Variants in SMC3 observed in about 807,000 individuals in gnomAD.
The protein encoded by SMC3 is structural maintenance of chromosomes protein 3.
Under a neutral mutation model 171.8 loss-of-function variants are expected in SMC3, and 20 were observed. The observed-to-expected ratio is 0.12, with a 90% CI of 0.08 to 0.17. The LOEUF is 0.17. Among genes scored for constraint, SMC3 ranks in the 10% least tolerant of loss-of-function variants. The probability of loss-of-function intolerance (pLI) is 1.00; values close to 1 mark genes in which losing one functional copy is unlikely to be tolerated. For missense variants in SMC3, 543 were observed against 1,420.4 expected (o/e 0.38, Z 9.93); for synonymous variants, 464 against 451.1 (o/e 1.03, Z -0.36).
chr10:110,596,531 C>T lies in SMC3; in HGVS notation c.2097C>T (p.Asn699=). ...AACTTGAAGCAAAGCTCAATGAAAACCTGCGCAGAAATATTGAAAATATCT... is the reference window on the plus strand; with the variant it reads ...AACTTGAAGCAAAGCTCAATGAAAATCTGCGCAGAAATATTGAAAATATCT... ...LGELEAKLNE[N]LRRNIERINN... is the part of the protein sequence containing the mutation. The change falls in exon 19 of 29, where the codon AAC becomes AAT. Residue 699 remains asparagine, a synonymous_variant. Transcript: ENST00000361804. 6 of 1,613,902 alleles carry T rather than the reference C, an allele frequency of 3.7e-6. No individual in the cohort carries two copies. Among genetic ancestry groups the T allele is most frequent in the Non-Finnish European group, 5.1e-6 (6 of 1,179,900 alleles).
At chr10:110,583,998 A>G (rs531747460) in intron 12 of SMC3, 36 bp downstream of exon 12, 4 of 1,610,582 alleles carry the variant, frequency 2.5e-6, no homozygotes, top group East Asian at 2.2e-5. Context: ...AACTTTCTAC[A>G]TCATATTATG....
At position 110,604,987 on chromosome 10, in the gene SMC3, G is replaced by C. The variant is rs1265035686; in HGVS notation, c.*685G>C. Among the ~76,000 whole-genome samples, 1 of 152,038 alleles carries C rather than the reference G, an allele frequency of 6.6e-6. No homozygotes were observed. The highest frequency in any genetic ancestry group is 6.6e-5 in the Admixed American group (1 of 15,262). Reference sequence around the variant, plus strand: ...TCCTCTAGTCTGTGACAATTTCTCTGTCATTGTTTATCATATCTTGACAAT... The same window carrying C: ...TCCTCTAGTCTGTGACAATTTCTCTCTCATTGTTTATCATATCTTGACAAT... On this transcript the variant is annotated 3_prime_UTR_variant, in exon 29 of 29. Coordinates refer to ENST00000361804, the MANE Select transcript of SMC3 (RefSeq NM_005445.4).
At chr10:110,584,982 A>T (rs191119034) in intron 13 of SMC3, among the ~76,000 whole-genome samples, 274 of 151,798 alleles carry the variant, frequency 1.8e-3, no homozygotes, top group African/African-American at 6.3e-3. Flanking sequence ...ATTTAACAAG[A>T]TGTCACAACA....
Position 110,568,504 on chromosome 10 carries a change from G to A in SMC3, c.16-434G>A, listed in dbSNP as rs529434735. 2.4e-5 allele frequency: 5 copies of A among 206,578 alleles called. No individual in the cohort carries two copies. The East Asian group carries it at 6.9e-4, about 28-fold the overall frequency. The allele number at this position is 206,578 out of a possible 1,614,324, so 12.8% of individuals were successfully genotyped here. ...TTCTGTTGGGTCTGTCGGGCTCTGA[G>A]CACTCCTTCTTTGGAACGTGGGTTC... On this transcript the variant is annotated intron_variant, in intron 1 of 28. Coordinates refer to ENST00000361804, the MANE Select transcript of SMC3 (RefSeq NM_005445.4).
chr10:110,590,382 T>C (rs1382809812), intron 15 of SMC3, 30 bp from the exon 16 acceptor site: 2 of 1,590,590 alleles, frequency 1.3e-6, no homozygotes, highest in South Asian at 1.1e-5. Context: ...TGATATTATT[T>C]TAATATTTTT....
chr10:110,589,533 C>A, intron 13 of SMC3, 72 bp from the exon 14 acceptor site: 1 of 1,011,418 alleles, frequency 9.9e-7, no homozygotes, highest in Non-Finnish European at 1.5e-6. Context: ...CATCTGCAAC[C>A]ACTGATCTGC....
intron 18 of SMC3, among the ~76,000 whole-genome samples, chr10:110,594,017 T>C (rs1217406871): frequency 6.6e-6 from 1 of 152,084 alleles, no homozygotes; most frequent in Non-Finnish European, 1.5e-5. Flanking sequence ...TTTTCAATTA[T>C]TTTATAGTTT....
At chr10:110,602,450 A>G (rs1322554070) in intron 25 of SMC3, 24 bp from the exon 26 acceptor site, 4 of 1,589,190 alleles carry the variant, frequency 2.5e-6, no homozygotes, top group Non-Finnish European at 3.4e-6. Context: ...CAAAATTTAT[A>G]TTTCAATCTG....
intron 8 of SMC3, among the ~76,000 whole-genome samples, chr10:110,581,522 A>G (rs940048822): frequency 2.0e-5 from 3 of 152,104 alleles, no homozygotes; most frequent in Admixed American, 1.3e-4. Context: ...TGGCCGGCAC[A>G]CTGACTTTTT....
intron 1 of SMC3, chr10:110,568,590 G>C: frequency 3.6e-6 from 1 of 277,550 alleles, no homozygotes; most frequent in Non-Finnish European, 6.9e-6. Flanking sequence ...AGTCAGGAGA[G>C]CTGGGGCCCG....
At chr10:110,603,331 AATTAT>A (rs1861415800) in intron 28 of SMC3, 41 bp downstream of exon 28, 2 of 1,236,836 alleles carry the variant, frequency 1.6e-6, no homozygotes, top group South Asian at 2.5e-5. Context: ...GTATTTATTC[AATTAT>A]ATTTGTTGAA....
At chr10:110,589,185 C>T (rs11195204) in intron 13 of SMC3, among the ~76,000 whole-genome samples, 17,655 of 151,812 alleles carry the variant, frequency 0.12, 1,212 homozygotes, top group East Asian at 0.26. Context: ...GTCAGGAGAT[C>T]GAGACCATCC....
chr10:110,594,990 C>T (rs918606413), intron 18 of SMC3, among the ~76,000 whole-genome samples: 2 of 143,008 alleles, frequency 1.4e-5, no homozygotes, highest in African/African-American at 5.6e-5. Flanking sequence ...AGTGTCTTCT[C>T]TTTATTTTTT....
At chr10:110,581,660 T>C (rs1225616204) in intron 8 of SMC3, among the ~76,000 whole-genome samples, 3 of 152,220 alleles carry the variant, frequency 2.0e-5, no homozygotes, top group Non-Finnish European at 4.4e-5. Context: ...CATTCCATTA[T>C]TGGAATCCTA....
Position 110,587,689 on chromosome 10 carries a change from GAAA to G in SMC3, c.1306-1901_1306-1899del, listed in dbSNP as rs34378467. Among the ~76,000 whole-genome samples, 649 of 94,264 alleles carry G rather than the reference GAAA, an allele frequency of 6.9e-3. 6 individuals are homozygous for G. The highest frequency in any genetic ancestry group is 0.02 in the African/African-American group (586 of 29,396). The allele number at this position is 94,264 out of a possible 152,430, so 61.8% of individuals were successfully genotyped here. A position where few individuals can be genotyped will look rare whatever the true frequency, so the allele number is the denominator to read the frequency against. On this transcript the variant is annotated intron_variant, in intron 13 of 28. Transcript: ENST00000361804. ...CGACAGAGCGAGACTCCGTCTCAAA[GAAA>G]AAAAAAAAAAAAAAGAAATATTGTA... is the stretch of plus-strand genomic sequence containing the variant.
At chr10:110,604,094 CAAAAA>C (rs57491050) in intron 28 of SMC3, 132 bp from the exon 29 acceptor site, 54 of 230,086 alleles carry the variant, frequency 2.3e-4, no homozygotes, top group Middle Eastern at 1.5e-3. Context: ...GACTCCATCT[CAAAAA>C]AAAAAAAAAA....
In SMC3 at chr10:110,583,837, A is replaced by G. The variant is rs747626414; in HGVS notation, c.970-4A>G. The G allele has an allele frequency of 8.1e-6, 13 of 1,612,748 alleles. No individual in the cohort carries two copies. The East Asian group carries it at 2.9e-4, about 36-fold the overall frequency. Reference sequence around the variant, plus strand: ...AGCAGTTTGCATTTTTACTTTGTTTACAGAAACGTTTATTAAAAGAGAGGC... The same window carrying G: ...AGCAGTTTGCATTTTTACTTTGTTTGCAGAAACGTTTATTAAAAGAGAGGC... On this transcript the variant is annotated splice_region_variant and splice_polypyrimidine_tract_variant and intron_variant, in intron 11 of 28. Coordinates refer to ENST00000361804, the MANE Select transcript of SMC3 (RefSeq NM_005445.4).
Position 110,598,281 on chromosome 10 carries a change from C to T in SMC3, c.2259C>T (p.Phe753=), listed in dbSNP as rs1861331250. The T allele has an allele frequency of 6.2e-7, 1 of 1,613,760 alleles. No homozygotes were observed. The highest frequency in any genetic ancestry group is 8.5e-7 in the Non-Finnish European group (1 of 1,179,758). The change falls in exon 20 of 29, where the codon TTC becomes TTT. Residue 753 remains phenylalanine, a synonymous_variant. Transcript: ENST00000361804. ...AGAGGCAGCAGTCAGAGAAAACCTT[C>T]ATGCCTAAGGTTCGTAAGTATATCT... is the stretch of plus-strand genomic sequence containing the variant. ...KEKRQQSEKT[F]MPKQRSLQSL...
chr10:110,597,276 T>A lies in SMC3; in HGVS notation c.2116+726T>A, dbSNP rs925320535. Among the ~76,000 whole-genome samples, 3 of 152,114 alleles carry A rather than the reference T, an allele frequency of 2.0e-5. No individual in the cohort carries two copies. The South Asian group carries it at 6.2e-4, about 32-fold the overall frequency. ...ACCAAGTCGGAGTAGCCATAGTTTT[T>A]TTTTTTACATAAAAATGGTGCTGCA... On this transcript the variant is annotated intron_variant, in intron 19 of 28. Transcript: ENST00000361804.
Sources: allele counts gnomAD v4.1 joint callset (sites outside exome capture counted in the v4.1 genomes callset), GRCh38; gene constraint gnomAD v4.1.1; transcripts MANE v1.5; gene names NCBI Gene and HGNC (gene_info 2026-07-23, HGNC 2026-07-21).